The following SRCIN1 variants were observed in gnomAD, a reference collection of about 807,000 sequenced individuals.
SRCIN1 encodes SRC kinase signaling inhibitor 1, also known as P130Cas-associated protein.
In SRCIN1, 50 loss-of-function variants were observed where a neutral mutation model predicts 116.2. The ratio of observed to expected loss-of-function variants is 0.43; its 90% CI spans 0.34 to 0.54. The LOEUF (loss-of-function observed/expected upper bound fraction) is 0.54. Among genes scored for constraint, SRCIN1 ranks in the 20% least tolerant of loss-of-function variants. SRCIN1 has a pLI of 0.02. For missense variants in SRCIN1, 1,446 were observed against 1,672.0 expected (o/e 0.86, Z 2.36); for synonymous variants, 736 against 750.0 (o/e 0.98, Z 0.30).
chr17:38,560,397 T>C lies in SRCIN1; in HGVS notation c.1729A>G (p.Ile577Val). 6.2e-7 allele frequency: 1 copy of C among 1,612,098 alleles called. No homozygotes were observed. Among genetic ancestry groups the C allele is most frequent in the Non-Finnish European group, 8.5e-7 (1 of 1,179,180 alleles). Residue 577 changes from isoleucine to valine, a missense_variant, in exon 8 of 19, where the codon ATT becomes GTT. Physicochemically the swap from Ile to Val is conservative, Grantham distance 29. Transcript: ENST00000617146. Reference protein sequence around the residue: ...RERMEAMEKQIASLTGLVQSA... With the variant: ...RERMEAMEKQVASLTGLVQSA... ...TGCACCAGGCCTGTGAGGCTGGCAA[T>C]CTGCTTCTCCATGGCCTCCATGCGC...
intron 17 of SRCIN1, among the ~76,000 whole-genome samples, chr17:38,546,192 G>T (rs1201420182): frequency 6.6e-6 from 1 of 152,242 alleles, no homozygotes; most frequent in African/African-American, 2.4e-5. Flanking sequence ...CTTGTGCCAG[G>T]TGCCGTCACA....
At chr17:38,582,656 C>A (rs1386675409) in intron 1 of SRCIN1, among the ~76,000 whole-genome samples, 2 of 152,156 alleles carry the variant, frequency 1.3e-5, no homozygotes, top group Non-Finnish European at 2.9e-5. Flanking sequence ...GATCTGCTCT[C>A]TCTGAGGGGC....
Position 38,549,158 on chromosome 17 carries a change from T to TGGGGGGGGG in SRCIN1, c.3014_3015insCCCCCCCCC (p.Pro1007_Pro1009dup). 1 of 1,219,156 alleles carries TGGGGGGGGG rather than the reference T, an allele frequency of 8.2e-7. No individual in the cohort carries two copies. The highest frequency in any genetic ancestry group is 1.2e-6 in the Non-Finnish European group (1 of 859,854). The allele number at this position is 1,219,156 out of a possible 1,614,324, so 75.5% of individuals were successfully genotyped here. A position where few individuals can be genotyped will look rare whatever the true frequency, so the allele number is the denominator to read the frequency against. ...GGAAGCTCCGGCGGGGAGGGGGCGG[T>TGGGGGGGGG]GGGGGCGACTTGGAGGGCTTCTCTG... On this transcript the variant is annotated inframe_insertion, in exon 16 of 19. Coordinates refer to ENST00000617146, the MANE Select transcript of SRCIN1 (RefSeq NM_025248.3).
At position 38,544,184 on chromosome 17, in the gene SRCIN1, A is replaced by G. The variant is rs1321413015; in HGVS notation, c.3271-215T>C. On this transcript the variant is annotated intron_variant, in intron 17 of 18. Transcript: ENST00000617146. The surrounding 1 kb of genome is among the most constrained non-coding windows in gnomAD (Gnocchi z 4.5). ...TCCCTGCAGGAGAGGGGTGGGGCCC[A>G]AGCCAGTTTCCCAACGGCTCTTGAG... 6.6e-6 allele frequency among the ~76,000 whole-genome samples: 1 copy of G among 151,998 alleles called. No individual in the cohort carries two copies. Among genetic ancestry groups the G allele is most frequent in the African/African-American group, 2.4e-5 (1 of 41,396 alleles).
At chr17:38,584,667 A>T (rs1255065742) in intron 1 of SRCIN1, among the ~76,000 whole-genome samples, 1 of 152,202 alleles carries the variant, frequency 6.6e-6, no homozygotes, top group Non-Finnish European at 1.5e-5. Flanking sequence ...TTTACATGAG[A>T]TCACTGTAAC....
At position 38,541,250 on chromosome 17, in the gene SRCIN1, AT is replaced by A; in HGVS notation, c.3417+2572del. The stretch of plus-strand genomic sequence containing the variant: ...TGAGACCCTGCCTCAAAAAAATAAA[AT>A]AAAATAAAATAAAATAAAATAAAAT... On this transcript the variant is annotated intron_variant, in intron 18 of 18. Transcript: ENST00000617146. 3.3e-5 allele frequency: 5 copies of A among 150,362 alleles called. 1 individual carries two copies. The highest frequency in any genetic ancestry group is 2.1e-4 in the South Asian group (1 of 4,760). The allele number at this position is 150,362 out of a possible 1,614,324, so 9.3% of individuals were successfully genotyped here.
At chr17:38,589,074 G>T (rs3848397) in intron 1 of SRCIN1, among the ~76,000 whole-genome samples, 4 of 152,174 alleles carry the variant, frequency 2.6e-5, no homozygotes, top group Non-Finnish European at 5.9e-5. Flanking sequence ...CTCGGCATGC[G>T]CCTGGCTGCC....
rs967105638 is a variant in SRCIN1, at chr17:38,549,156, G to A, written c.3017C>T (p.Pro1006Leu). ...GGGGAAGCTCCGGCGGGGAGGGGGC[G>A]GTGGGGGCGACTTGGAGGGCTTCTC... ...RTEKPSKSPP[P>L]PPPRRSFPSS... is the part of the protein sequence containing the mutation. Residue 1006 changes from proline (P) to leucine (L), a missense_variant, in exon 16 of 19, where the codon CCG becomes CTG. By Grantham distance (98) the Pro-to-Leu change is moderately conservative (BLOSUM62 -3). Coordinates refer to ENST00000617146, the MANE Select transcript of SRCIN1 (RefSeq NM_025248.3). The A allele has an allele frequency of 5.7e-6, 9 of 1,588,334 alleles. No individual in the cohort carries two copies. Among genetic ancestry groups the A allele is most frequent in the African/African-American group, 1.3e-5 (1 of 74,328 alleles).
Position 38,561,572 on chromosome 17 carries a change from C to G in SRCIN1, c.1591G>C (p.Gly531Arg). Residue 531 changes from glycine to arginine, a missense_variant, in exon 7 of 19, where the codon GGG becomes CGG. Gly to Arg is a moderately radical substitution (Grantham distance 125). Around this residue, in one of 5 missense-constraint regions of SRCIN1, gnomAD observed 398 missense variants for 385.6 expected, o/e 1.03. Transcript: ENST00000617146. ...GGAGCTCCGGCCGTCGAGGCGCTCC[C>G]CGCGCTGCGGGTCTTCCCTCCAGGA... is the stretch of plus-strand genomic sequence containing the variant. ...ESPGGKTRSAGSASTAGAPPS... is the reference protein window; with the variant it reads ...ESPGGKTRSARSASTAGAPPS... 6.2e-7 allele frequency: 1 copy of G among 1,602,100 alleles called. No individual in the cohort carries two copies. Among genetic ancestry groups the G allele is most frequent in the Non-Finnish European group, 8.5e-7 (1 of 1,175,780 alleles).
In SRCIN1 at chr17:38,533,160, G is replaced by T; in HGVS notation, c.*137C>A. Reference sequence around the variant, plus strand: ...TGATGGGTAGGGGTCGCTGAGGAGGGCCGCACCCTCCTCTTCAGGGCACAC... The same window carrying T: ...TGATGGGTAGGGGTCGCTGAGGAGGTCCGCACCCTCCTCTTCAGGGCACAC... On this transcript the variant is annotated 3_prime_UTR_variant, in exon 19 of 19. Transcript: ENST00000617146. The T allele has an allele frequency of 9.2e-7, 1 of 1,091,058 alleles. No individual in the cohort carries two copies. Among genetic ancestry groups the T allele is most frequent in the Non-Finnish European group, 1.2e-6 (1 of 815,972 alleles). 67.6% of individuals were successfully genotyped at this position (1,091,058 alleles called of 1,614,324 possible).
rs77536346 is a variant in SRCIN1 at position 38,576,519 on chromosome 17, G to A, written c.324+1971C>T. On this transcript the variant is annotated intron_variant, in intron 2 of 18. Transcript: ENST00000617146. ...CCCACTGTGCCCTGATGGCCACTCC[G>A]CATCCCAGGTCCACTTTGTATCTGC... Among the ~76,000 whole-genome samples, 1,220 of 151,894 alleles carry A rather than the reference G, an allele frequency of 8.0e-3. 10 individuals are homozygous for A. The highest frequency in any genetic ancestry group is 0.028 in the African/African-American group (1,158 of 41,348).
chr17:38,552,693 C>A lies in SRCIN1; in HGVS notation c.2332+32G>T, dbSNP rs374504696. 1.9e-4 allele frequency: 303 copies of A among 1,613,204 alleles called. No homozygotes were observed. In the African/African-American group the frequency reaches 2.8e-3, roughly 15 times the overall value. ...GTATGGCAGACTTCCCCACCCTGAA[C>A]AACGTGCTGCATTCGCAGGCCCCAG... On this transcript the variant is annotated intron_variant, in intron 12 of 18. Coordinates refer to ENST00000617146, the MANE Select transcript of SRCIN1 (RefSeq NM_025248.3). The surrounding 1 kb of genome is among the most constrained non-coding windows in gnomAD (Gnocchi z 5.3).
intron 1 of SRCIN1, among the ~76,000 whole-genome samples, chr17:38,587,261 G>A (rs1381223229): frequency 2.6e-5 from 4 of 152,036 alleles, no homozygotes; most frequent in Non-Finnish European, 5.9e-5. Context: ...GCTTGGCCTC[G>A]GTGCCACCTC....
At chr17:38,591,023 G>T (rs1238252027) in intron 1 of SRCIN1, among the ~76,000 whole-genome samples, 1 of 152,188 alleles carries the variant, frequency 6.6e-6, no homozygotes, top group Non-Finnish European at 1.5e-5. Flanking sequence ...CAGAAACTTA[G>T]GCTGGAAGTG....
chr17:38,578,993 G>A (rs1473023541), intron 1 of SRCIN1, among the ~76,000 whole-genome samples: 1 of 152,226 alleles, frequency 6.6e-6, no homozygotes, highest in South Asian at 2.1e-4. Flanking sequence ...GCGCGCCTAC[G>A]GCCCCTAGGG....
rs143500913 is a variant in SRCIN1, at chr17:38,559,606, G to A, written c.2004C>T (p.Leu668=). The change falls in exon 10 of 19, where the codon CTC becomes CTT. Residue 668 remains leucine, a synonymous_variant. Transcript: ENST00000617146. The stretch of plus-strand genomic sequence containing the variant: ...GTACCTGGAGCTTGCGCAACTGCTG[G>A]AGCTGGCCGCGCAAGTCACTGGCGC... The part of the protein sequence containing the change: ...QNSASDLRGQ[L]QQLRKLQLQN... 1 of 1,601,968 alleles carries A rather than the reference G, an allele frequency of 6.2e-7. No homozygotes were observed. Among genetic ancestry groups the A allele is most frequent in the Non-Finnish European group, 8.5e-7 (1 of 1,179,446 alleles).
At chr17:38,557,262 A>G (rs1905869121) in intron 11 of SRCIN1, among the ~76,000 whole-genome samples, 1 of 152,254 alleles carries the variant, frequency 6.6e-6, no homozygotes, top group Admixed American at 6.5e-5. Context: ...CTGGGCTCCA[A>G]GGAGCAGCCT....
Position 38,559,574 on chromosome 17 carries a change from C to A in SRCIN1, c.2025+11G>T, listed in dbSNP as rs780901553. 6.3e-7 allele frequency: 1 copy of A among 1,596,212 alleles called. No homozygotes were observed. Among genetic ancestry groups the A allele is most frequent in the Non-Finnish European group, 8.5e-7 (1 of 1,178,324 alleles). On this transcript the variant is annotated intron_variant, in intron 10 of 18. Transcript: ENST00000617146. ...GGCGTTGGTGGGGCGGGGCCCAGGA[C>A]GGGGCGGTACCTGGAGCTTGCGCAA...
At position 38,568,232 on chromosome 17, in the gene SRCIN1, C is replaced by T. The variant is rs1297987564; in HGVS notation, c.325-1G>A. The stretch of plus-strand genomic sequence containing the variant: ...TGACCTTGAAACTCCAGTAGTTTGG[C>T]TGCTGATGGAAATAAGAGAAGAGAT... On this transcript the variant is annotated splice_acceptor_variant, in intron 2 of 18. Coordinates refer to ENST00000617146, the MANE Select transcript of SRCIN1 (RefSeq NM_025248.3). LOFTEE classifies it high-confidence loss of function. The surrounding 1 kb of genome is among the most constrained non-coding windows in gnomAD (Gnocchi z 4.5). The T allele has an allele frequency of 6.2e-7, 1 of 1,613,084 alleles. No individual in the cohort carries two copies. The highest frequency in any genetic ancestry group is 8.5e-7 in the Non-Finnish European group (1 of 1,179,632).
Sources: allele counts gnomAD v4.1 joint callset (sites outside exome capture counted in the v4.1 genomes callset), GRCh38; gene constraint gnomAD v4.1.1; regional missense constraint gnomAD v4.1.1; non-coding constraint Gnocchi (gnomAD v3.1); transcripts MANE v1.5; gene names NCBI Gene and HGNC (gene_info 2026-07-23, HGNC 2026-07-21).